The following ZFPM2 variants were observed in gnomAD, a reference collection of about 807,000 sequenced individuals.
ZFPM2 encodes zinc finger protein, FOG family member 2, also known as zinc finger protein ZFPM2.
Under a neutral mutation model 98.6 loss-of-function variants are expected in ZFPM2, and 20 were observed. That is an observed-to-expected ratio of 0.20 (90% CI 0.14 to 0.29). The LOEUF is 0.29. ZFPM2 is among the 10% of genes least tolerant of loss of function. The probability of loss-of-function intolerance (pLI) is 1.00; values close to 1 mark genes in which losing one functional copy is unlikely to be tolerated. For missense variants in ZFPM2, 1,310 were observed against 1,388.6 expected (o/e 0.94, Z 0.90); for synonymous variants, 518 against 502.7 (o/e 1.03, Z -0.41).
At chr8:105,788,553 C>T (rs1434847525) in intron 5 of ZFPM2, among the ~76,000 whole-genome samples, 165 bp from the exon 6 acceptor site, 2 of 152,154 alleles carry the variant, frequency 1.3e-5, no homozygotes, top group Non-Finnish European at 2.9e-5. Context: ...GTACAATTTT[C>T]CACACAGGAA....
intron 3 of ZFPM2, among the ~76,000 whole-genome samples, chr8:105,538,354 C>T (rs1021264771): frequency 1.4e-4 from 21 of 152,106 alleles, no homozygotes; most frequent in African/African-American, 4.6e-4. Context: ...TTCTTCTTGA[C>T]GTCTTCAATT....
chr8:105,556,998 A>G (rs1377916172), intron 3 of ZFPM2, among the ~76,000 whole-genome samples: 1 of 152,126 alleles, frequency 6.6e-6, no homozygotes, highest in East Asian at 1.9e-4. Flanking sequence ...TGCTAGTATT[A>G]CAGGCCTGAG....
chr8:105,388,581 C>T (rs1314457511), intron 1 of ZFPM2, among the ~76,000 whole-genome samples: 1 of 152,060 alleles, frequency 6.6e-6, no homozygotes, highest in Non-Finnish European at 1.5e-5. Flanking sequence ...CGACTACATG[C>T]GGGCAGTAGA....
At chr8:105,606,443 T>C (rs564139515) in intron 4 of ZFPM2, among the ~76,000 whole-genome samples, 1 of 152,200 alleles carries the variant, frequency 6.6e-6, no homozygotes, top group African/African-American at 2.4e-5. Flanking sequence ...AGATCTGAAT[T>C]CTGTCACTGC....
At chr8:105,621,372 A>AT (rs1816541065) in intron 4 of ZFPM2, among the ~76,000 whole-genome samples, 1 of 152,142 alleles carries the variant, frequency 6.6e-6, no homozygotes. Flanking sequence ...TTGCACACTG[A>AT]TTTTGTATCG....
intron 7 of ZFPM2, among the ~76,000 whole-genome samples, chr8:105,800,831 A>AT (rs1237307656): frequency 2.0e-5 from 3 of 152,202 alleles, no homozygotes; most frequent in Non-Finnish European, 2.9e-5. Context: ...CTTTGATGCC[A>AT]TAATATTCAT....
At chr8:105,516,221 C>T (rs530373414) in intron 3 of ZFPM2, among the ~76,000 whole-genome samples, 3 of 152,042 alleles carry the variant, frequency 2.0e-5, no homozygotes, top group Non-Finnish European at 4.4e-5. Flanking sequence ...CCACCGTGCC[C>T]AGCCAAAAAG....
intron 4 of ZFPM2, among the ~76,000 whole-genome samples, chr8:105,612,947 A>G (rs1174902162): frequency 6.6e-6 from 1 of 152,216 alleles, no homozygotes; most frequent in African/African-American, 2.4e-5. Context: ...ATTATCATTT[A>G]CTTGACAAAG....
At chr8:105,614,744 T>TC (rs1048694104) in intron 4 of ZFPM2, among the ~76,000 whole-genome samples, 18 of 152,064 alleles carry the variant, frequency 1.2e-4, no homozygotes, top group Admixed American at 7.2e-4. Flanking sequence ...CCTTTCTCCT[T>TC]CCCCCCAAAT....
At chr8:105,648,916 C>A (rs200116960) in intron 5 of ZFPM2, among the ~76,000 whole-genome samples, 6 of 152,100 alleles carry the variant, frequency 3.9e-5, no homozygotes, top group Admixed American at 6.6e-5. Flanking sequence ...TCTGTGAAGA[C>A]AGTCATTGGT....
At chr8:105,487,193 G>A (rs778321261) in intron 3 of ZFPM2, among the ~76,000 whole-genome samples, 3 of 152,178 alleles carry the variant, frequency 2.0e-5, no homozygotes, top group Middle Eastern at 3.4e-3. Flanking sequence ...GCTCACTGTA[G>A]CCTGGACCTC....
Position 105,739,680 on chromosome 8 carries a change from A to G in ZFPM2, c.533-49038A>G, listed in dbSNP as rs111892664. The stretch of plus-strand genomic sequence containing the variant: ...CTTGTTGATTCCTTTCATTGCTCCT[A>G]TATAAACATTAAAGGCACTTCGCAG... On this transcript the variant is annotated intron_variant, in intron 5 of 7. Transcript: ENST00000407775. Among the ~76,000 whole-genome samples the G allele has an allele frequency of 3.2e-3, 479 of 151,686 alleles. 4 individuals are homozygous for G. The highest frequency in any genetic ancestry group is 1.0e-2 in the African/African-American group (413 of 41,426).
intron 5 of ZFPM2, among the ~76,000 whole-genome samples, chr8:105,751,014 T>C (rs1261890513): frequency 6.6e-6 from 1 of 152,072 alleles, no homozygotes; most frequent in African/African-American, 2.4e-5. Flanking sequence ...TTTAAGTGAA[T>C]ACAAGGTAGA....
chr8:105,507,206 CATTCGTATCT>C (rs1813721672), intron 3 of ZFPM2, among the ~76,000 whole-genome samples: 1 of 152,142 alleles, frequency 6.6e-6, no homozygotes, highest in East Asian at 1.9e-4. Flanking sequence ...TATCTACCTG[CATTCGTATCT>C]ATGTCTTAAC....
At chr8:105,345,425 CTTTTTTTTT>C (rs10560485) in intron 1 of ZFPM2, among the ~76,000 whole-genome samples, 1 of 98,358 alleles carries the variant, frequency 1.0e-5, no homozygotes, top group African/African-American at 3.6e-5. Flanking sequence ...TCGTGATGTT[CTTTTTTTTT>C]TTTTTTTTTT....
intron 5 of ZFPM2, among the ~76,000 whole-genome samples, chr8:105,710,663 TTGTGTGTG>T (rs34170034): frequency 0.048 from 6,909 of 143,796 alleles, 250 homozygotes; most frequent in East Asian, 0.11. Context: ...ATGCACAAAA[TTGTGTGTG>T]TGTGTGTGTG....
intron 1 of ZFPM2, among the ~76,000 whole-genome samples, chr8:105,376,291 A>G (rs571145751): frequency 6.6e-6 from 1 of 152,254 alleles, no homozygotes; most frequent in Admixed American, 6.5e-5. Context: ...AGTTTTCTGG[A>G]TTAATTTCTC....
chr8:105,636,199 G>C (rs1299452209), intron 5 of ZFPM2, among the ~76,000 whole-genome samples: 1 of 152,112 alleles, frequency 6.6e-6, no homozygotes, highest in Non-Finnish European at 1.5e-5. Context: ...TTTCTGATTA[G>C]GGATGTGAAC....
At chr8:105,799,011 T>C in intron 7 of ZFPM2, 63 bp downstream of exon 7, 1 of 1,392,050 alleles carries the variant, frequency 7.2e-7, no homozygotes, top group Non-Finnish European at 1.0e-6. Context: ...TAAATATATA[T>C]GCATTACATG....
Sources: allele counts gnomAD v4.1 joint callset (sites outside exome capture counted in the v4.1 genomes callset), GRCh38; gene constraint gnomAD v4.1.1; transcripts MANE v1.5; gene names NCBI Gene and HGNC (gene_info 2026-07-23, HGNC 2026-07-21).